Variants in ATAD2 observed in about 807,000 individuals in gnomAD.
The protein encoded by ATAD2 is ATPase family AAA domain containing 2.
A neutral mutation model predicts 168.9 loss-of-function variants in ATAD2; 62 were observed. The observed-to-expected ratio is 0.37, with a 90% CI of 0.30 to 0.45. The LOEUF (loss-of-function observed/expected upper bound fraction) is 0.45, where lower values mean the gene tolerates loss of function less well. Among genes scored for constraint, ATAD2 ranks in the 20% least tolerant of loss-of-function variants. The probability of loss-of-function intolerance (pLI) is 1.00; values close to 1 mark genes in which losing one functional copy is unlikely to be tolerated. For missense variants in ATAD2, 1,419 were observed against 1,667.8 expected (o/e 0.85, Z 2.60); for synonymous variants, 613 against 571.6 (o/e 1.07, Z -1.03).
At position 123,356,411 on chromosome 8, in the gene ATAD2, T is replaced by C; in HGVS notation, c.1624A>G (p.Ser542Gly). 1.9e-6 allele frequency: 3 copies of C among 1,611,944 alleles called. No homozygotes were observed. Among genetic ancestry groups the C allele is most frequent in the Non-Finnish European group, 2.5e-6 (3 of 1,178,748 alleles). Residue 542 changes from serine (S) to glycine (G), a missense_variant, in exon 13 of 28, where the codon AGC (serine) becomes GGC (glycine). Coordinates refer to ENST00000287394, the MANE Select transcript of ATAD2 (RefSeq NM_014109.4). ...TACCTGTGAATCTGATCTTGCCTGC[T>C]TGACCGTACTGGAGCCAGACCATCA... ...EIDGLAPVRS[S>G]RQDQIHSSIV...
At chr8:123,383,951 C>A (rs566104522) in intron 1 of ATAD2, among the ~76,000 whole-genome samples, 1 of 151,424 alleles carries the variant, frequency 6.6e-6, no homozygotes, top group South Asian at 2.1e-4. Flanking sequence ...TGTGGTAGCA[C>A]GTGCCTGTAA....
At chr8:123,406,668 T>G (rs1813071371) in intron 1 of ATAD2, among the ~76,000 whole-genome samples, 2 of 151,800 alleles carry the variant, frequency 1.3e-5, no homozygotes, top group Admixed American at 1.3e-4. Flanking sequence ...AATACAGAAA[T>G]TAGCCGGGCG....
At chr8:123,414,034 G>A (rs1204973226) in intron 1 of ATAD2, among the ~76,000 whole-genome samples, 4 of 132,378 alleles carry the variant, frequency 3.0e-5, no homozygotes, top group African/African-American at 1.1e-4. Flanking sequence ...GGAGGTTGCA[G>A]TGAGTCAAGA....
At chr8:123,347,763 G>C (rs1218615356) in intron 15 of ATAD2, among the ~76,000 whole-genome samples, 1 of 152,114 alleles carries the variant, frequency 6.6e-6, no homozygotes, top group African/African-American at 2.4e-5. Context: ...TTCTTCATCT[G>C]TAGAGATACT....
In ATAD2 at chr8:123,325,903, T is replaced by C. The variant is rs553304228; in HGVS notation, c.3992A>G (p.Glu1331Gly). The change falls in exon 26 of 28, where the codon GAG becomes GGG. Residue 1331 changes from glutamate to glycine, a missense_variant. By Grantham distance (98) the Glu-to-Gly change is moderately conservative. Transcript: ENST00000287394. ...TTTCAATTTACATACTTTTAATCGCTCATGATCCACAACAAGTGAGGGTGT... is the reference window on the plus strand; with the variant it reads ...TTTCAATTTACATACTTTTAATCGCCCATGATCCACAACAAGTGAGGGTGT... Reference protein sequence around the residue: ...QPTPSLVVDHERLKNLLKTVV... With the variant: ...QPTPSLVVDHGRLKNLLKTVV... 12 of 1,614,080 alleles carry C rather than the reference T, an allele frequency of 7.4e-6. No homozygotes were observed. The South Asian group carries it at 1.1e-4, about 15-fold the overall frequency.
At chr8:123,339,184 C>G (rs1398078367) in intron 20 of ATAD2, 127 bp downstream of exon 20, 11 of 807,516 alleles carry the variant, frequency 1.4e-5, no homozygotes, top group Non-Finnish European at 1.9e-6. Context: ...GATTTTTAAG[C>G]AGCAGATGCA....
chr8:123,373,807 A>G (rs974116954), intron 2 of ATAD2, among the ~76,000 whole-genome samples: 3 of 151,612 alleles, frequency 2.0e-5, no homozygotes, highest in Non-Finnish European at 2.9e-5. Context: ...AAAAAAAAAA[A>G]AAAATCTACT....
intron 13 of ATAD2, among the ~76,000 whole-genome samples, chr8:123,353,321 A>G (rs1324484126): frequency 6.7e-6 from 1 of 148,728 alleles, no homozygotes; most frequent in Non-Finnish European, 1.5e-5. Context: ...CCAAGATCAT[A>G]CCACTGCACT....
chr8:123,373,584 C>T (rs138692928), intron 2 of ATAD2, among the ~76,000 whole-genome samples: 44 of 151,724 alleles, frequency 2.9e-4, no homozygotes, highest in Non-Finnish European at 1.5e-4. Flanking sequence ...GTCAGGAAAT[C>T]GAGACCATCC....
At chr8:123,416,302 G>A (rs1813277187) in exon 1 of ATAD2, 1 of 153,268 alleles carries the variant, frequency 6.5e-6, no homozygotes, top group African/African-American at 2.4e-5. Flanking sequence ...CCTCCCCGCG[G>A]AGATTCACAG....
intron 1 of ATAD2, among the ~76,000 whole-genome samples, chr8:123,404,608 C>T (rs1178417436): frequency 1.3e-5 from 2 of 151,562 alleles, no homozygotes; most frequent in Admixed American, 1.3e-4. Flanking sequence ...GCTCTGTCGC[C>T]CAGGCTGGAG....
At chr8:123,358,406 G>A (rs1417485780) in intron 11 of ATAD2, among the ~76,000 whole-genome samples, 1 of 150,632 alleles carries the variant, frequency 6.6e-6, no homozygotes, top group Non-Finnish European at 1.5e-5. Flanking sequence ...CTGCAGTGGT[G>A]CGATCTCGGC....
At chr8:123,355,371 C>T (rs1448021677) in intron 13 of ATAD2, among the ~76,000 whole-genome samples, 1 of 152,090 alleles carries the variant, frequency 6.6e-6, no homozygotes, top group Non-Finnish European at 1.5e-5. Flanking sequence ...ATTAATCAAT[C>T]AATTACACAT....
chr8:123,341,871 G>A (rs1828072370), intron 19 of ATAD2, among the ~76,000 whole-genome samples: 1 of 152,180 alleles, frequency 6.6e-6, no homozygotes, highest in South Asian at 2.1e-4. Flanking sequence ...TGGCTCACCT[G>A]AGGTCAGGAG....
At position 123,328,339 on chromosome 8, in the gene ATAD2, C is replaced by A. The variant is rs374233674; in HGVS notation, c.3719G>T (p.Arg1240Ile). 65 of 1,607,040 alleles carry A rather than the reference C, an allele frequency of 4.0e-5. No individual in the cohort carries two copies. The highest frequency in any genetic ancestry group is 5.4e-5 in the African/African-American group (4 of 74,626). The change falls in exon 25 of 28, where the codon AGA (arginine) becomes ATA (isoleucine). Residue 1240 changes from arginine to isoleucine, a missense_variant. This residue lies in a region of ATAD2 where 303 missense variants were observed against 304.3 expected (regional missense o/e 1.00). Transcript: ENST00000287394. ...TATATTACAAGTATTTGAATTATTT[C>A]TCAATTCCAGTTTGCTTTCAGAGGC... is the stretch of plus-strand genomic sequence containing the variant. ...QNASESKLELRNNSNTCNIEN... is the reference protein window; with the variant it reads ...QNASESKLELINNSNTCNIEN...
chr8:123,321,575 T>C (rs1271120504), intron 27 of ATAD2, among the ~76,000 whole-genome samples: 1 of 152,096 alleles, frequency 6.6e-6, no homozygotes, highest in Non-Finnish European at 1.5e-5. Flanking sequence ...ACCAATAATA[T>C]GCATATGTAA....
chr8:123,406,272 G>A (rs1813066928), intron 1 of ATAD2, among the ~76,000 whole-genome samples: 1 of 151,026 alleles, frequency 6.6e-6, no homozygotes, highest in Non-Finnish European at 1.5e-5. Flanking sequence ...AGCTACTTGG[G>A]AGGCTGAGAC....
intron 19 of ATAD2, among the ~76,000 whole-genome samples, chr8:123,340,846 A>C (rs954060176): frequency 6.6e-6 from 1 of 152,198 alleles, no homozygotes; most frequent in African/African-American, 2.4e-5. Flanking sequence ...TTGGGATAAC[A>C]AGAAAGATCT....
At chr8:123,351,144 G>A (rs1828444360) in intron 13 of ATAD2, among the ~76,000 whole-genome samples, 1 of 152,146 alleles carries the variant, frequency 6.6e-6, no homozygotes, top group South Asian at 2.1e-4. Context: ...CCTAATATCA[G>A]TTTCCCATTT....
Sources: allele counts gnomAD v4.1 joint callset (sites outside exome capture counted in the v4.1 genomes callset), GRCh38; gene constraint gnomAD v4.1.1; regional missense constraint gnomAD v4.1.1; transcripts MANE v1.5; gene names NCBI Gene and HGNC (gene_info 2026-07-23, HGNC 2026-07-21).